Variants in CCND3 observed in about 807,000 individuals in gnomAD.
CCND3 encodes G1/S-specific cyclin-D3.
CCND3 carries 9 observed loss-of-function variants against 28.7 expected under a neutral mutation model. That is an observed-to-expected ratio of 0.31 (90% CI 0.19 to 0.55). CCND3 has a LOEUF of 0.55. CCND3 is among the 20% of genes least tolerant of loss of function. CCND3 has a pLI of 0.93. For synonymous variants in CCND3, 164 were observed against 163.9 expected, an observed-to-expected ratio of 1.00 and a Z score of 0.00; for missense variants, 315 against 385.8, an observed-to-expected ratio of 0.82 and a Z score of 1.54.
At chr6:41,989,136 C>CA (rs112374148) in intron 1 of CCND3, among the ~76,000 whole-genome samples, 23,302 of 150,754 alleles carry the variant, frequency 0.15, 2,277 homozygotes, top group Middle Eastern at 0.33. Context: ...TCGCAATATG[C>CA]AAAAAAAACT....
chr6:41,947,232 AAG>A (rs1191858016), intron 1 of CCND3, among the ~76,000 whole-genome samples: 19 of 152,120 alleles, frequency 1.2e-4, no homozygotes, highest in African/African-American at 4.6e-4. Context: ...AAAAAAAAAA[AAG>A]AAAAGAAAAG....
In CCND3 at chr6:41,936,314, C is replaced by T; in HGVS notation, c.712-207G>A. 1 of 654,416 alleles carries T rather than the reference C, an allele frequency of 1.5e-6. No individual in the cohort carries two copies. The highest frequency in any genetic ancestry group is 2.1e-5 in the South Asian group (1 of 47,996). The allele number at this position is 654,416 out of a possible 1,614,324, so 40.5% of individuals were successfully genotyped here. A position where few individuals can be genotyped will look rare whatever the true frequency, so the allele number is the denominator to read the frequency against. ...AGCAGCCCTGCATCTGACACCAAAC[C>T]CCCCACCCCCACTCCAGCACACCAC... On this transcript the variant is annotated intron_variant, in intron 4 of 4. Transcript: ENST00000372991. The surrounding 1 kb of genome is among the most constrained non-coding windows in gnomAD (Gnocchi z 4.4).
chr6:41,974,177 T>A (rs1762105907), intron 1 of CCND3, among the ~76,000 whole-genome samples: 1 of 152,104 alleles, frequency 6.6e-6, no homozygotes, highest in Non-Finnish European at 1.5e-5. Context: ...AGCAAGACTC[T>A]GTCTCGAAGA....
At chr6:41,940,619 G>A (rs369575765) in intron 1 of CCND3, 34 bp from the exon 2 acceptor site, 5 of 1,500,742 alleles carry the variant, frequency 3.3e-6, no homozygotes, top group Non-Finnish European at 4.6e-6. Flanking sequence ...GCTGGGTCTG[G>A]AGCGTGGGGA....
chr6:41,962,455 A>C (rs2127404728), intron 1 of CCND3, among the ~76,000 whole-genome samples: 1 of 152,150 alleles, frequency 6.6e-6, no homozygotes, highest in Non-Finnish European at 1.5e-5. Flanking sequence ...TTTGCTCCCC[A>C]AAACCTTAAA....
chr6:42,023,914 T>G (rs1177624230), intron 1 of CCND3, among the ~76,000 whole-genome samples: 1 of 152,184 alleles, frequency 6.6e-6, no homozygotes, highest in African/African-American at 2.4e-5. Flanking sequence ...GTTTTGCCAG[T>G]GTTTACATCA....
intron 1 of CCND3, among the ~76,000 whole-genome samples, chr6:41,968,588 A>G (rs1392309162): frequency 6.6e-6 from 1 of 152,138 alleles, no homozygotes; most frequent in African/African-American, 2.4e-5. Context: ...TCTAAAAAAC[A>G]AACAACAACA....
At chr6:42,040,868 C>CAAAAAAAA (rs142222742) in intron 1 of CCND3, among the ~76,000 whole-genome samples, 2 of 122,528 alleles carry the variant, frequency 1.6e-5, no homozygotes, top group Non-Finnish European at 3.6e-5. Flanking sequence ...AACAAACAAA[C>CAAAAAAAA]AAAAAAAAAA....
chr6:42,040,008 A>G (rs1023361231), intron 1 of CCND3, among the ~76,000 whole-genome samples: 2 of 152,248 alleles, frequency 1.3e-5, no homozygotes, highest in Non-Finnish European at 2.9e-5. Flanking sequence ...CTGCTCTACT[A>G]GTCCTGAGAC....
intron 1 of CCND3, among the ~76,000 whole-genome samples, chr6:42,025,885 C>A (rs564616115): frequency 6.6e-6 from 1 of 152,260 alleles, no homozygotes; most frequent in South Asian, 2.1e-4. Context: ...CCCGGTGTAT[C>A]CATGGTAAGC....
intron 1 of CCND3, among the ~76,000 whole-genome samples, chr6:41,950,993 C>A (rs930286622): frequency 6.6e-6 from 1 of 151,862 alleles, no homozygotes; most frequent in South Asian, 2.1e-4. Flanking sequence ...CAGGCGTGAG[C>A]CACTGCGCTG....
At chr6:41,966,774 A>G (rs1761898429) in intron 1 of CCND3, among the ~76,000 whole-genome samples, 1 of 152,096 alleles carries the variant, frequency 6.6e-6, no homozygotes, top group South Asian at 2.1e-4. Context: ...CATTACAATA[A>G]TCTCATTTTA....
chr6:41,967,673 C>T (rs1761925224), intron 1 of CCND3, among the ~76,000 whole-genome samples: 1 of 152,232 alleles, frequency 6.6e-6, no homozygotes, highest in Non-Finnish European at 1.5e-5. Flanking sequence ...GAAGATCACA[C>T]TTGGAGTCCA....
At chr6:42,019,474 G>C (rs2127432257) in intron 1 of CCND3, among the ~76,000 whole-genome samples, 1 of 134,264 alleles carries the variant, frequency 7.4e-6, no homozygotes, top group East Asian at 2.1e-4. Context: ...GGGTGACAGA[G>C]CGAGACTCTG....
intron 1 of CCND3, among the ~76,000 whole-genome samples, chr6:41,964,499 AGTGTGT>A (rs72237414): frequency 2.0e-4 from 21 of 103,348 alleles, no homozygotes; most frequent in South Asian, 6.9e-4. Context: ...TGTGTGTGTG[AGTGTGT>A]GTGTGTGTGA....
intron 1 of CCND3, among the ~76,000 whole-genome samples, chr6:42,025,526 A>G (rs1280986582): frequency 6.6e-6 from 1 of 152,188 alleles, no homozygotes; most frequent in South Asian, 2.1e-4. Flanking sequence ...GAAGTCACAC[A>G]CCTCACCAAA....
At position 42,048,531 on chromosome 6, in the gene CCND3, G is replaced by C. The variant is rs764259039; in HGVS notation, c.-76C>G. On this transcript the variant is annotated 5_prime_UTR_variant, in exon 1 of 5. Coordinates refer to the CCND3 transcript ENST00000372988. This position sits in a 1 kb window ranked among gnomAD's most constrained non-coding sequence, Gnocchi z 4.7. ...CGTCAGGTGACCTCCCCGGAGCACC[G>C]ACTGGGGTCGCAGGCGCTCTGTCCC... 1 of 515,058 alleles carries C rather than the reference G, an allele frequency of 1.9e-6. No homozygotes were observed. The highest frequency in any genetic ancestry group is 3.9e-6 in the Non-Finnish European group (1 of 258,372). The allele number at this position is 515,058 out of a possible 1,614,324, so 31.9% of individuals were successfully genotyped here. A position where few individuals can be genotyped will look rare whatever the true frequency, so the allele number is the denominator to read the frequency against.
chr6:42,022,309 A>C (rs1763736305), intron 1 of CCND3, among the ~76,000 whole-genome samples: 1 of 152,212 alleles, frequency 6.6e-6, no homozygotes, highest in African/African-American at 2.4e-5. Flanking sequence ...GGTTCAGTAC[A>C]CACTGGAATG....
chr6:42,043,013 T>C (rs1764420250), intron 1 of CCND3, among the ~76,000 whole-genome samples: 1 of 152,138 alleles, frequency 6.6e-6, no homozygotes, highest in Non-Finnish European at 1.5e-5. Flanking sequence ...AATGGCTGAG[T>C]CAGACTTCCA....
Sources: allele counts gnomAD v4.1 joint callset (sites outside exome capture counted in the v4.1 genomes callset), GRCh38; gene constraint gnomAD v4.1.1; non-coding constraint Gnocchi (gnomAD v3.1); transcripts MANE v1.5; gene names NCBI Gene and HGNC (gene_info 2026-07-23, HGNC 2026-07-21).